TIMP3: variants seen among roughly 807,000 people sequenced by gnomAD.
The protein encoded by TIMP3 is TIMP metallopeptidase inhibitor 3, also known as metalloproteinase inhibitor 3.
Under a neutral mutation model 30.0 loss-of-function variants are expected in TIMP3, and 11 were observed. That is an observed-to-expected ratio of 0.37 (90% confidence interval 0.23 to 0.61). The LOEUF is 0.61. TIMP3 is among the 20% of genes least tolerant of loss of function. The pLI is 0.70. For synonymous variants in TIMP3, 112 were observed against 111.3 expected (o/e 1.01, Z -0.04); for missense variants, 181 against 276.8 (o/e 0.65, Z 2.45).
intron 1 of TIMP3, among the ~76,000 whole-genome samples, chr22:32,802,809 GAA>G (rs1246746154): frequency 6.6e-6 from 1 of 152,198 alleles, no homozygotes; most frequent in Non-Finnish European, 1.5e-5. Flanking sequence ...ACATAGCTGT[GAA>G]AATTCACAGG....
rs541295303 is a variant in TIMP3 at position 32,809,762 on chromosome 22, C to T, written c.121+7640C>T. Reference sequence around the variant, plus strand: ...TTTTCATAAGCCTGGGAAGTTTTCTCATGGGTTCCTGGGTGATTGCATTGT... The same window carrying T: ...TTTTCATAAGCCTGGGAAGTTTTCTTATGGGTTCCTGGGTGATTGCATTGT... On this transcript the variant is annotated intron_variant, in intron 1 of 4. Coordinates refer to ENST00000266085, the MANE Select transcript of TIMP3 (RefSeq NM_000362.5). Among the ~76,000 whole-genome samples, 5 of 152,338 alleles carry T rather than the reference C, an allele frequency of 3.3e-5. No homozygotes were observed. In the East Asian group the frequency reaches 5.8e-4, roughly 18 times the overall value.
At chr22:32,834,081 A>G (rs946240753) in intron 1 of TIMP3, among the ~76,000 whole-genome samples, 9 of 151,966 alleles carry the variant, frequency 5.9e-5, no homozygotes. Context: ...ATGTATTCCA[A>G]TTTGTTCTGT....
At chr22:32,829,032 T>A (rs2047495038) in intron 1 of TIMP3, among the ~76,000 whole-genome samples, 1 of 152,138 alleles carries the variant, frequency 6.6e-6, no homozygotes, top group African/African-American at 2.4e-5. Flanking sequence ...GCCTCCTCCC[T>A]ATAGCGGACT....
chr22:32,857,438 AG>A (rs1264323344), intron 3 of TIMP3, 78 bp downstream of exon 3: 4 of 1,051,436 alleles, frequency 3.8e-6, no homozygotes, highest in Non-Finnish European at 6.0e-6. Context: ...ACACATACGG[AG>A]TAGTTGACTC....
At chr22:32,849,094 C>T (rs1259667506) in intron 1 of TIMP3, among the ~76,000 whole-genome samples, 1 of 152,076 alleles carries the variant, frequency 6.6e-6, no homozygotes, top group Non-Finnish European at 1.5e-5. Flanking sequence ...GTCAGATGGA[C>T]AAGGGAGGGG....
chr22:32,844,425 G>C (rs1435920434), intron 1 of TIMP3, among the ~76,000 whole-genome samples: 1 of 152,188 alleles, frequency 6.6e-6, no homozygotes, highest in Non-Finnish European at 1.5e-5. Flanking sequence ...CAGCATGAAG[G>C]TATATTTATG....
At chr22:32,822,139 G>A (rs1275054193) in intron 1 of TIMP3, among the ~76,000 whole-genome samples, 2 of 134,882 alleles carry the variant, frequency 1.5e-5, no homozygotes, top group African/African-American at 5.5e-5. Context: ...TGGGCAACAA[G>A]AGCAAAACTC....
chr22:32,831,947 C>T (rs182490360), intron 1 of TIMP3, among the ~76,000 whole-genome samples: 207 of 152,278 alleles, frequency 1.4e-3, no homozygotes, highest in African/African-American at 4.8e-3. Context: ...ATGTGCCCTC[C>T]TCAGGGGCAG....
At chr22:32,852,183 T>C (rs2048236631) in intron 2 of TIMP3, among the ~76,000 whole-genome samples, 1 of 152,216 alleles carries the variant, frequency 6.6e-6, no homozygotes, top group Middle Eastern at 3.2e-3. Flanking sequence ...TGGGAGGTCA[T>C]ATAACTGTTA....
chr22:32,832,314 G>C (rs2047596933), intron 1 of TIMP3, among the ~76,000 whole-genome samples: 1 of 152,178 alleles, frequency 6.6e-6, no homozygotes, highest in Non-Finnish European at 1.5e-5. Context: ...GCATGAGTTA[G>C]AAATATAAAG....
chr22:32,827,456 A>G (rs1231331533), intron 1 of TIMP3, among the ~76,000 whole-genome samples: 1 of 151,958 alleles, frequency 6.6e-6, no homozygotes, highest in Non-Finnish European at 1.5e-5. Flanking sequence ...GTACAAATGG[A>G]TTTTAAAACA....
At chr22:32,807,361 T>TA (rs5845034) in intron 1 of TIMP3, among the ~76,000 whole-genome samples, 103,347 of 110,774 alleles carry the variant, frequency 0.93, 48,043 homozygotes, top group East Asian at 0.96. Context: ...ATATAATATA[T>TA]AATATATATT....
chr22:32,809,185 G>A (rs1037909351), intron 1 of TIMP3, among the ~76,000 whole-genome samples: 2 of 152,198 alleles, frequency 1.3e-5, no homozygotes, highest in East Asian at 3.8e-4. Context: ...GAAGCCAAAT[G>A]GCTTGCCCAA....
chr22:32,813,952 T>G (rs1227223417), intron 1 of TIMP3, among the ~76,000 whole-genome samples: 1 of 152,160 alleles, frequency 6.6e-6, no homozygotes, highest in Admixed American at 6.5e-5. Flanking sequence ...TCAGCCATCA[T>G]ATTATTACTA....
At chr22:32,814,907 G>A (rs1314829573) in intron 1 of TIMP3, among the ~76,000 whole-genome samples, 1 of 152,002 alleles carries the variant, frequency 6.6e-6, no homozygotes, top group East Asian at 1.9e-4. Context: ...AGGAAAAAGT[G>A]AAATTAATTT....
At chr22:32,843,053 G>C (rs2047958435) in intron 1 of TIMP3, among the ~76,000 whole-genome samples, 1 of 152,156 alleles carries the variant, frequency 6.6e-6, no homozygotes. Flanking sequence ...AAGGTTTTTA[G>C]GTGGTCTGCT....
chr22:32,857,507 A>C (rs1181770170), intron 3 of TIMP3, 147 bp downstream of exon 3: 4 of 719,264 alleles, frequency 5.6e-6, no homozygotes, highest in Non-Finnish European at 1.0e-5. Flanking sequence ...CCACTTACCC[A>C]GTGCTAGGAG....
chr22:32,824,674 C>T (rs1331793656), intron 1 of TIMP3, among the ~76,000 whole-genome samples: 1 of 152,134 alleles, frequency 6.6e-6, no homozygotes, highest in Non-Finnish European at 1.5e-5. Context: ...TACTTGTATT[C>T]GTTGAATGGG....
intron 1 of TIMP3, among the ~76,000 whole-genome samples, chr22:32,828,535 G>C (rs773879459): frequency 2.0e-5 from 3 of 152,188 alleles, no homozygotes; most frequent in Non-Finnish European, 4.4e-5. Flanking sequence ...AGCCTTCTAG[G>C]CCACAGGCAG....
Sources: allele counts gnomAD v4.1 joint callset (sites outside exome capture counted in the v4.1 genomes callset), GRCh38; gene constraint gnomAD v4.1.1; transcripts MANE v1.5; gene names NCBI Gene and HGNC (gene_info 2026-07-23, HGNC 2026-07-21).